FXR2: variants seen among roughly 807,000 people sequenced by gnomAD.
The protein encoded by FXR2 is RNA-binding protein FXR2.
FXR2 carries 9 observed loss-of-function variants against 87.3 expected under a neutral mutation model. That is an observed-to-expected ratio of 0.10 (90% CI 0.06 to 0.18). FXR2 has a LOEUF of 0.18. Ranked by LOEUF, FXR2 falls within the 10% of genes least tolerant of loss-of-function variation. The pLI, the probability that FXR2 is intolerant of heterozygous loss-of-function variation, is 1.00. For synonymous variants in FXR2, 331 were observed against 328.3 expected, an observed-to-expected ratio of 1.01 and a Z score of -0.09; for missense variants, 661 against 893.6, an observed-to-expected ratio of 0.74 and a Z score of 3.32.
intron 5 of FXR2, 24 bp from the exon 6 acceptor site, chr17:7,603,026 C>T (rs372851249): frequency 3.3e-5 from 40 of 1,207,462 alleles, no homozygotes; most frequent in East Asian, 4.7e-5. Flanking sequence ...AAGTACTCAG[C>T]GGGCAGAATG....
chr17:7,609,965 CATGTATATGTATACATATATATAT>C lies in FXR2; in HGVS notation c.82-3840_82-3817del, dbSNP rs1433520105. 1.0e-3 allele frequency among the ~76,000 whole-genome samples: 95 copies of C among 94,474 alleles called. 1 individual carries two copies. The highest frequency in any genetic ancestry group is 2.7e-3 in the African/African-American group (90 of 33,734). 62.0% of individuals were successfully genotyped at this position (94,474 alleles called of 152,430 possible). Reference sequence around the variant, plus strand: ...ACATGTATATGTATACATATATATACATGTATATGTATACATATATATATACATGTATATGTATACATATATATA... The same window carrying C: ...ACATGTATATGTATACATATATATACACATGTATATGTATACATATATATA... On this transcript the variant is annotated intron_variant, in intron 1 of 16. Coordinates refer to ENST00000250113, the MANE Select transcript of FXR2 (RefSeq NM_004860.4).
chr17:7,602,928 T>G lies in FXR2; in HGVS notation c.524A>C (p.Asn175Thr). 6.5e-7 allele frequency: 1 copy of G among 1,535,930 alleles called. No homozygotes were observed. Among genetic ancestry groups the G allele is most frequent in the South Asian group, 1.1e-5 (1 of 88,906 alleles). ...GANCIFLNIT[N>T]SELFILSTTE... ...ACTCACCAGAATGAAGAGCTCACTGTTTGTGATGTTGAGAAAGATGCAGTT... is the reference window on the plus strand; with the variant it reads ...ACTCACCAGAATGAAGAGCTCACTGGTTGTGATGTTGAGAAAGATGCAGTT... Residue 175 changes from asparagine to threonine, a missense_variant, in exon 6 of 17, where the codon AAC (asparagine) becomes ACC (threonine). Physicochemically the swap from Asn to Thr is moderately conservative, Grantham distance 65. This residue lies in a region of FXR2 where 170 missense variants were observed against 247.2 expected (regional missense o/e 0.69). Coordinates refer to ENST00000250113, the MANE Select transcript of FXR2 (RefSeq NM_004860.4).
intron 3 of FXR2, among the ~76,000 whole-genome samples, chr17:7,604,834 G>A (rs1337643813): frequency 1.3e-5 from 2 of 149,180 alleles, no homozygotes; most frequent in Non-Finnish European, 3.0e-5. Context: ...CGATTCTCCT[G>A]CCTCAGCCTC....
intron 7 of FXR2, among the ~76,000 whole-genome samples, chr17:7,598,705 TAAAAAAC>T (rs533629006): frequency 1.4e-3 from 204 of 150,784 alleles, no homozygotes; most frequent in African/African-American, 4.5e-3. Flanking sequence ...CTCAAAAAAT[TAAAAAAC>T]AACAACAAAA....
At position 7,592,446 on chromosome 17, in the gene FXR2, G is replaced by T. The variant is rs556193161; in HGVS notation, c.1825+58C>A. The T allele has an allele frequency of 1.9e-6, 3 of 1,563,640 alleles. No individual in the cohort carries two copies. The highest frequency in any genetic ancestry group is 2.6e-6 in the Non-Finnish European group (3 of 1,134,126). ...ACCCGAACCCCTGATTTTCACAGGG[G>T]TGAGCATCCCATTCTCTCAGCTCTG... On this transcript the variant is annotated intron_variant, in intron 15 of 16. Coordinates refer to ENST00000250113, the MANE Select transcript of FXR2 (RefSeq NM_004860.4). The surrounding 1 kb of genome is among the most constrained non-coding windows in gnomAD (Gnocchi z 4.8).
chr17:7,594,654 C>G lies in FXR2; in HGVS notation c.910+25G>C. The G allele has an allele frequency of 1.4e-6, 2 of 1,414,368 alleles. No homozygotes were observed. The highest frequency in any genetic ancestry group is 2.0e-6 in the Non-Finnish European group (2 of 997,604). 87.6% of individuals were successfully genotyped at this position (1,414,368 alleles called of 1,614,324 possible). A position where few individuals can be genotyped will look rare whatever the true frequency, so the allele number is the denominator to read the frequency against. On this transcript the variant is annotated intron_variant, in intron 9 of 16. Coordinates refer to ENST00000250113, the MANE Select transcript of FXR2 (RefSeq NM_004860.4). This position sits in a 1 kb window ranked among gnomAD's most constrained non-coding sequence, Gnocchi z 5.1. ...AGAGAATCTTGATTCTGACCTCTAACTGTATATACACACCACCAACTCACC... is the reference window on the plus strand; with the variant it reads ...AGAGAATCTTGATTCTGACCTCTAAGTGTATATACACACCACCAACTCACC...
intron 2 of FXR2, 166 bp from the exon 3 acceptor site, chr17:7,605,904 T>A: frequency 1.6e-6 from 1 of 644,666 alleles, no homozygotes; most frequent in Non-Finnish European, 2.7e-6. Context: ...CTTTCTAGAC[T>A]CTAAATACTG....
rs1368734576 is a variant in FXR2, at chr17:7,595,726, G to T, written c.831+98C>A. On this transcript the variant is annotated intron_variant, in intron 8 of 16. Transcript: ENST00000250113. The surrounding 1 kb of genome is among the most constrained non-coding windows in gnomAD (Gnocchi z 4.7). Reference sequence around the variant, plus strand: ...ACCTCCGAAGGTGCTGGGATTACAGGTGTGAGCCACTGTGCCCAGTTTGAG... The same window carrying T: ...ACCTCCGAAGGTGCTGGGATTACAGTTGTGAGCCACTGTGCCCAGTTTGAG... 2 of 913,524 alleles carry T rather than the reference G, an allele frequency of 2.2e-6. No homozygotes were observed. The highest frequency in any genetic ancestry group is 3.4e-6 in the Non-Finnish European group (2 of 587,186). 56.6% of individuals were successfully genotyped at this position (913,524 alleles called of 1,614,324 possible). A position where few individuals can be genotyped will look rare whatever the true frequency, so the allele number is the denominator to read the frequency against.
chr17:7,595,779 C>T lies in FXR2; in HGVS notation c.831+45G>A, dbSNP rs961360703. 26 of 1,531,426 alleles carry T rather than the reference C, an allele frequency of 1.7e-5. No individual in the cohort carries two copies. The highest frequency in any genetic ancestry group is 2.3e-5 in the Non-Finnish European group (25 of 1,109,346). The allele number at this position is 1,531,426 out of a possible 1,614,324, so 94.9% of individuals were successfully genotyped here. ...TTATTTTCTACTTCGGCCTCTCTTC[C>T]CTCTATCCCCTAAGAGACCCAGAAG... On this transcript the variant is annotated intron_variant, in intron 8 of 16. Coordinates refer to ENST00000250113, the MANE Select transcript of FXR2 (RefSeq NM_004860.4). The surrounding 1 kb of genome is among the most constrained non-coding windows in gnomAD (Gnocchi z 4.7).
intron 7 of FXR2, among the ~76,000 whole-genome samples, chr17:7,596,664 T>C (rs1483933850): frequency 6.6e-6 from 1 of 152,222 alleles, no homozygotes; most frequent in Non-Finnish European, 1.5e-5. Context: ...ATATCCAACT[T>C]ATCTTATTCT....
Position 7,614,843 on chromosome 17 carries a change from T to TGCTGCC in FXR2, c.-317_-312dup, listed in dbSNP as rs984942876. On this transcript the variant is annotated 5_prime_UTR_variant, in exon 1 of 17. Transcript: ENST00000250113. Reference sequence around the variant, plus strand: ...CTGCTGCCTCAGTCCCGGGACCCGCTGCTGCCGCTGCCGCTCCACAGCCTC... The same window carrying TGCTGCC: ...CTGCTGCCTCAGTCCCGGGACCCGCTGCTGCCGCTGCCGCTGCCGCTCCACAGCCTC... 1.4e-4 allele frequency: 23 copies of TGCTGCC among 164,128 alleles called. No homozygotes were observed. The highest frequency in any genetic ancestry group is 2.2e-4 in the Non-Finnish European group (17 of 76,124). 10.2% of individuals were successfully genotyped at this position (164,128 alleles called of 1,614,324 possible).
intron 3 of FXR2, among the ~76,000 whole-genome samples, chr17:7,604,415 G>A (rs1182181700): frequency 1.3e-5 from 2 of 152,044 alleles, no homozygotes; most frequent in South Asian, 2.1e-4. Flanking sequence ...AAAAAAAGAG[G>A]CCAAGCGCGG....
At position 7,605,676 on chromosome 17, in the gene FXR2, T is replaced by C; in HGVS notation, c.197A>G (p.Asn66Ser). Residue 66 changes from asparagine to serine, a missense_variant, in exon 3 of 17, where the codon AAT (asparagine) becomes AGT (serine). Asn to Ser is a conservative substitution (Grantham distance 46). Coordinates refer to ENST00000250113, the MANE Select transcript of FXR2 (RefSeq NM_004860.4). ...TTCATCCCCTTCTGTGATCTCCTTA[T>C]TATAGTCAGCTGGAGGTGGTAGCCG... ...DVRLPPPADY[N>S]KEITEGDEVE... 6.3e-7 allele frequency: 1 copy of C among 1,590,026 alleles called. No individual in the cohort carries two copies. The highest frequency in any genetic ancestry group is 8.6e-7 in the Non-Finnish European group (1 of 1,158,958).
At chr17:7,604,975 G>A (rs1026538558) in intron 3 of FXR2, among the ~76,000 whole-genome samples, 11 of 151,534 alleles carry the variant, frequency 7.3e-5, no homozygotes, top group African/African-American at 2.2e-4. Flanking sequence ...TGCCCCACTC[G>A]ACCTCTCAAA....
chr17:7,600,355 C>G (rs1191721913), intron 7 of FXR2, among the ~76,000 whole-genome samples: 1 of 152,204 alleles, frequency 6.6e-6, no homozygotes, highest in Non-Finnish European at 1.5e-5. Context: ...TGTGCCACCA[C>G]GCCCAGCTGA....
Position 7,594,645 on chromosome 17 carries a change from G to A in FXR2, c.910+34C>T, listed in dbSNP as rs367700576. 3.1e-6 allele frequency: 4 copies of A among 1,300,378 alleles called. No individual in the cohort carries two copies. Among genetic ancestry groups the A allele is most frequent in the Non-Finnish European group, 4.5e-6 (4 of 893,780 alleles). The allele number at this position is 1,300,378 out of a possible 1,614,324, so 80.6% of individuals were successfully genotyped here. A position where few individuals can be genotyped will look rare whatever the true frequency, so the allele number is the denominator to read the frequency against. ...AATCACTGTAGAGAATCTTGATTCTGACCTCTAACTGTATATACACACCAC... is the reference window on the plus strand; with the variant it reads ...AATCACTGTAGAGAATCTTGATTCTAACCTCTAACTGTATATACACACCAC... On this transcript the variant is annotated intron_variant, in intron 9 of 16. Coordinates refer to ENST00000250113, the MANE Select transcript of FXR2 (RefSeq NM_004860.4). The surrounding 1 kb of genome is among the most constrained non-coding windows in gnomAD (Gnocchi z 5.1).
At chr17:7,606,239 T>A in intron 1 of FXR2, 90 bp from the exon 2 acceptor site, 1 of 823,736 alleles carries the variant, frequency 1.2e-6, no homozygotes, top group Non-Finnish European at 2.0e-6. Flanking sequence ...CACAAAACCT[T>A]AAACTTGAGT....
intron 1 of FXR2, 73 bp from the exon 2 acceptor site, chr17:7,606,222 A>T (rs1279583202): frequency 3.2e-6 from 3 of 952,164 alleles, no homozygotes; most frequent in Non-Finnish European, 4.9e-6. Context: ...TCAAGGGAAT[A>T]AGACACCACA....
chr17:7,601,931 A>G (rs1053330771), intron 6 of FXR2, among the ~76,000 whole-genome samples: 2 of 152,106 alleles, frequency 1.3e-5, no homozygotes, highest in African/African-American at 4.8e-5. Flanking sequence ...GTTTTCAAAA[A>G]AAAAAGAAAT....
Sources: gnomAD v4.1 joint callset for allele counts (sites outside exome capture counted in the v4.1 genomes callset) on GRCh38, gnomAD v4.1.1 for gene constraint, gnomAD v4.1.1 regional missense constraint, Gnocchi (gnomAD v3.1) non-coding constraint, MANE v1.5 for transcripts, NCBI Gene and HGNC (gene_info 2026-07-23, HGNC 2026-07-21) for gene names.